DIS3L2: variants seen among roughly 807,000 people sequenced by gnomAD.
DIS3L2 encodes the protein DIS3 like 3'-5' exoribonuclease 2.
Under a neutral mutation model 97.5 loss-of-function variants are expected in DIS3L2, and 34 were observed. That is an observed-to-expected ratio of 0.35 (90% CI 0.27 to 0.46). The LOEUF is 0.46. Among genes scored for constraint, DIS3L2 ranks in the 20% least tolerant of loss-of-function variants. The pLI is 1.00. For synonymous variants in DIS3L2, 435 were observed against 445.2 expected (o/e 0.98, Z 0.29); for missense variants, 1,038 against 1,146.0 (o/e 0.91, Z 1.36).
chr2:232,162,295 C>T (rs543893956), intron 8 of DIS3L2, among the ~76,000 whole-genome samples: 1 of 152,224 alleles, frequency 6.6e-6, no homozygotes, highest in East Asian at 1.9e-4. Context: ...TGCAGGCTGC[C>T]GAGATCATAG....
intron 6 of DIS3L2, among the ~76,000 whole-genome samples, chr2:232,124,608 G>C (rs1009804212): frequency 6.6e-6 from 1 of 152,140 alleles, no homozygotes; most frequent in East Asian, 1.9e-4. Context: ...GAGTGAGAAG[G>C]TTTAAATAAG....
chr2:232,099,928 ATATTT>A (rs771376402), intron 6 of DIS3L2, among the ~76,000 whole-genome samples: 9 of 152,288 alleles, frequency 5.9e-5, no homozygotes, highest in Non-Finnish European at 1.2e-4. Context: ...TTTTCATTCT[ATATTT>A]TAATTATTTG....
intron 5 of DIS3L2, among the ~76,000 whole-genome samples, chr2:232,086,615 A>ATATATATATATATATACACATATATATG (rs1696635928): frequency 1.8e-5 from 1 of 54,546 alleles, no homozygotes; most frequent in African/African-American, 5.8e-5. Context: ...GTGTGTGTGT[A>ATATATATATATATATACACATATATATG]TATATATATA....
intron 13 of DIS3L2, among the ~76,000 whole-genome samples, chr2:232,270,823 A>G (rs919822762): frequency 1.3e-5 from 2 of 151,304 alleles, no homozygotes; most frequent in African/African-American, 4.9e-5. Flanking sequence ...CTCTGCCTAC[A>G]CGGAGCTCTG....
chr2:231,996,474 A>G (rs1693734356), intron 1 of DIS3L2, among the ~76,000 whole-genome samples: 1 of 152,224 alleles, frequency 6.6e-6, no homozygotes, highest in Admixed American at 6.5e-5. Context: ...TAAGAGAAAG[A>G]ATATAATGAG....
chr2:231,971,157 A>G (rs778766883), intron 1 of DIS3L2, among the ~76,000 whole-genome samples: 1 of 152,182 alleles, frequency 6.6e-6, no homozygotes. Context: ...AACATTTTAC[A>G]GTTAAATTAC....
intron 5 of DIS3L2, among the ~76,000 whole-genome samples, chr2:232,039,350 A>G (rs756346989): frequency 2.0e-5 from 3 of 152,202 alleles, no homozygotes; most frequent in Non-Finnish European, 2.9e-5. Context: ...GTACAAAAGC[A>G]TATTGTTATC....
At chr2:232,084,695 A>T (rs900011288) in intron 5 of DIS3L2, among the ~76,000 whole-genome samples, 1 of 152,170 alleles carries the variant, frequency 6.6e-6, no homozygotes, top group African/African-American at 2.4e-5. Context: ...TGAATCTGAC[A>T]TGAGTCAAAA....
intron 8 of DIS3L2, among the ~76,000 whole-genome samples, chr2:232,148,241 G>GT (rs1690278898): frequency 6.6e-6 from 1 of 151,968 alleles, no homozygotes; most frequent in Non-Finnish European, 1.5e-5. Context: ...TAGAGATGGG[G>GT]TTTCACCATG....
At chr2:232,055,357 C>A (rs1351565384) in intron 5 of DIS3L2, among the ~76,000 whole-genome samples, 1 of 151,998 alleles carries the variant, frequency 6.6e-6, no homozygotes, top group Non-Finnish European at 1.5e-5. Context: ...CAAAGTCAGC[C>A]TACAAAAATT....
At chr2:232,334,045 C>T in intron 17 of DIS3L2, 58 bp downstream of exon 17, 1 of 1,556,076 alleles carries the variant, frequency 6.4e-7, no homozygotes, top group Non-Finnish European at 8.7e-7. Context: ...TGCCCACCCC[C>T]ACAGTGGGTG....
intron 6 of DIS3L2, among the ~76,000 whole-genome samples, chr2:232,127,705 C>A (rs1698104214): frequency 6.6e-6 from 1 of 152,162 alleles, no homozygotes; most frequent in African/African-American, 2.4e-5. Context: ...CTAGCCATGC[C>A]CATTCTTGCT....
chr2:232,142,162 TTTCAAGGGGTA>T (rs1377776810), intron 8 of DIS3L2, among the ~76,000 whole-genome samples: 1 of 152,174 alleles, frequency 6.6e-6, no homozygotes, highest in Non-Finnish European at 1.5e-5. Flanking sequence ...TGTATGTTCT[TTTCAAGGGGTA>T]TGGACCTGGC....
intron 10 of DIS3L2, among the ~76,000 whole-genome samples, chr2:232,225,730 A>AC (rs1692627123): frequency 6.6e-6 from 1 of 152,210 alleles, no homozygotes; most frequent in Non-Finnish European, 1.5e-5. Context: ...CCTTAATAAA[A>AC]AATTTTATTT....
chr2:232,028,167 A>G (rs936511265), intron 4 of DIS3L2, among the ~76,000 whole-genome samples: 5 of 152,164 alleles, frequency 3.3e-5, no homozygotes, highest in Admixed American at 2.0e-4. Flanking sequence ...TAGTCTGATT[A>G]CCACATGCCC....
chr2:232,197,966 T>C (rs946882250), intron 9 of DIS3L2, among the ~76,000 whole-genome samples: 1 of 143,958 alleles, frequency 6.9e-6, no homozygotes, highest in Non-Finnish European at 1.5e-5. Context: ...CTCCATCTCA[T>C]TAAAAAAAAA....
chr2:232,273,254 T>G (rs140583947), intron 13 of DIS3L2, among the ~76,000 whole-genome samples: 228 of 152,276 alleles, frequency 1.5e-3, no homozygotes, highest in Non-Finnish European at 2.5e-3. Flanking sequence ...CATTTTCCTT[T>G]TGCTTCCCTG....
chr2:232,084,842 T>G (rs550395098), intron 5 of DIS3L2, among the ~76,000 whole-genome samples: 66 of 152,084 alleles, frequency 4.3e-4, no homozygotes, highest in African/African-American at 1.4e-3. Flanking sequence ...TATTACTATA[T>G]TTTTATGGAG....
intron 11 of DIS3L2, among the ~76,000 whole-genome samples, chr2:232,246,484 T>C (rs890681001): frequency 6.6e-6 from 1 of 152,218 alleles, no homozygotes; most frequent in South Asian, 2.1e-4. Flanking sequence ...CTGGTGACAG[T>C]GCACCTTGGA....
Sources: gnomAD v4.1 joint callset for allele counts (sites outside exome capture counted in the v4.1 genomes callset) on GRCh38, gnomAD v4.1.1 for gene constraint, MANE v1.5 for transcripts, NCBI Gene and HGNC (gene_info 2026-07-23, HGNC 2026-07-21) for gene names.